CHD1: variants seen among roughly 807,000 people sequenced by gnomAD.
CHD1 encodes the protein chromodomain helicase DNA binding protein 1.
CHD1 carries 36 observed loss-of-function variants against 224.2 expected under a neutral mutation model. The observed-to-expected ratio is 0.16, with a 90% CI of 0.12 to 0.21. The LOEUF (loss-of-function observed/expected upper bound fraction) is 0.21, where lower values mean the gene tolerates loss of function less well. CHD1 is among the 10% of genes least tolerant of loss of function. The pLI is 1.00. For missense variants in CHD1, 1,378 were observed against 1,994.8 expected, an observed-to-expected ratio of 0.69 and a Z score of 5.89; for synonymous variants, 668 against 658.3, an observed-to-expected ratio of 1.01 and a Z score of -0.23.
chr5:98,899,238 A>T (rs188652560), intron 8 of CHD1, among the ~76,000 whole-genome samples: 14 of 152,300 alleles, frequency 9.2e-5, no homozygotes, highest in African/African-American at 3.4e-4. Flanking sequence ...CAGTGCAAAT[A>T]GTTGTTACAT....
At chr5:98,926,292 C>G in intron 2 of CHD1, 42 bp downstream of exon 2, 4 of 1,223,720 alleles carry the variant, frequency 3.3e-6, no homozygotes, top group Non-Finnish European at 4.6e-6. Flanking sequence ...AAGTTTTCAA[C>G]TCTCTTCATA....
chr5:98,921,918 G>A (rs1021044827), intron 2 of CHD1, among the ~76,000 whole-genome samples: 2 of 152,112 alleles, frequency 1.3e-5, no homozygotes, highest in Admixed American at 1.3e-4. Flanking sequence ...TTGGGAGGCC[G>A]AGGTGGGTGG....
In CHD1 at chr5:98,857,863, TTATTA is replaced by T. The variant is rs1320302226; in HGVS notation, c.4787+312_4787+316del. 4.0e-5 allele frequency among the ~76,000 whole-genome samples: 6 copies of T among 149,736 alleles called. 1 individual carries two copies. Among genetic ancestry groups the T allele is most frequent in the Admixed American group, 2.0e-4 (3 of 15,044 alleles). ...CTATTATATCAAGCTTTTATCCCAC[TTATTA>T]TATTTTAAAGAGTATTTGAGCCAAT... On this transcript the variant is annotated intron_variant, in intron 35 of 35. Transcript: ENST00000614616.
Position 98,902,934 on chromosome 5 carries a change from A to G in CHD1, c.403T>C (p.Ser135Pro), listed in dbSNP as rs1221669800. The part of the protein sequence containing the change: ...DSSSSEDSDD[S>P]SSEVKRKKHK... ...TTTTTCCTTTTGACCTCACTTGATGAGTCATCGGAATCTTCACTGCTAGAG... is the reference window on the plus strand; with the variant it reads ...TTTTTCCTTTTGACCTCACTTGATGGGTCATCGGAATCTTCACTGCTAGAG... Residue 135 changes from serine to proline, a missense_variant, in exon 5 of 36, where the codon TCA becomes CCA. Transcript: ENST00000614616. 1 of 1,606,298 alleles carries G rather than the reference A, an allele frequency of 6.2e-7. No homozygotes were observed. The highest frequency in any genetic ancestry group is 1.7e-5 in the Admixed American group (1 of 59,832).
At chr5:98,891,198 C>G (rs1223367864) in intron 15 of CHD1, among the ~76,000 whole-genome samples, 1 of 152,060 alleles carries the variant, frequency 6.6e-6, no homozygotes, top group Non-Finnish European at 1.5e-5. Context: ...CTCAGCCTAC[C>G]AAGCAGCTGG....
chr5:98,869,029 GTC>G, intron 30 of CHD1: 2 of 854,486 alleles, frequency 2.3e-6, no homozygotes, highest in Non-Finnish European at 2.8e-6. Context: ...CTTCCTTTAT[GTC>G]TTTTTCTTTC....
chr5:98,915,857 CATA>C (rs1166748726), intron 2 of CHD1, among the ~76,000 whole-genome samples: 2 of 152,034 alleles, frequency 1.3e-5, no homozygotes, highest in Non-Finnish European at 2.9e-5. Flanking sequence ...TCAAATTATT[CATA>C]ATAATATTTA....
At position 98,897,392 on chromosome 5, in the gene CHD1, A is replaced by T. The variant is rs1751413255; in HGVS notation, c.1366-72T>A. The T allele has an allele frequency of 2.8e-5, 31 of 1,094,398 alleles. No homozygotes were observed. In the South Asian group the frequency reaches 4.7e-4, roughly 17 times the overall value. 67.8% of individuals were successfully genotyped at this position (1,094,398 alleles called of 1,614,324 possible). A position where few individuals can be genotyped will look rare whatever the true frequency, so the allele number is the denominator to read the frequency against. Reference sequence around the variant, plus strand: ...AATTATACTAAAAGATGAAAGCCTCAGCTTTACCATAAATTCTTAAATTTC... The same window carrying T: ...AATTATACTAAAAGATGAAAGCCTCTGCTTTACCATAAATTCTTAAATTTC... On this transcript the variant is annotated intron_variant, in intron 10 of 35. Coordinates refer to ENST00000614616, the MANE Select transcript of CHD1 (RefSeq NM_001270.4).
intron 35 of CHD1, among the ~76,000 whole-genome samples, chr5:98,857,258 CATGTGACAGCTTGATAAAAAATAA>C (rs1331409047): frequency 1.3e-5 from 2 of 152,078 alleles, no homozygotes; most frequent in Non-Finnish European, 1.5e-5. Context: ...TCCATACAAA[CATGTGACAGCTTGATAAAAAATAA>C]ATGTGGCAGT....
Position 98,889,057 on chromosome 5 carries a change from AAC to A in CHD1, c.2343+17_2343+18del. On this transcript the variant is annotated intron_variant, in intron 16 of 35. Coordinates refer to ENST00000614616, the MANE Select transcript of CHD1 (RefSeq NM_001270.4). ...TTCTAGAACTTTATCACAAAGAAAC[AAC>A]ATTTAAAAATTCTTACTTGTAAGGC... 1.3e-6 allele frequency: 2 copies of A among 1,509,074 alleles called. No individual in the cohort carries two copies. Among genetic ancestry groups the A allele is most frequent in the Non-Finnish European group, 1.8e-6 (2 of 1,098,962 alleles). The allele number at this position is 1,509,074 out of a possible 1,614,324, so 93.5% of individuals were successfully genotyped here.
intron 2 of CHD1, among the ~76,000 whole-genome samples, chr5:98,912,564 A>G (rs1221095230): frequency 6.6e-6 from 1 of 152,078 alleles, no homozygotes; most frequent in African/African-American, 2.4e-5. Context: ...CCAGCTACTC[A>G]GGAGGCTGAG....
At position 98,873,595 on chromosome 5, in the gene CHD1, G is replaced by C. The variant is rs373584761; in HGVS notation, c.3569C>G (p.Thr1190Arg). ...LKDSSSGTER[T>R]GGRLGKVKGP... ...AATCACTCTCAGTTTAATGTTACCT[G>C]TTCGTTCTGTTCCTGAAGAACTATC... is the stretch of plus-strand genomic sequence containing the variant. Residue 1190 changes from threonine (T) to arginine (R), a missense_variant and splice_region_variant, in exon 26 of 36, where the codon ACA becomes AGA. This residue lies in a region of CHD1 where 286 missense variants were observed against 445.1 expected (regional missense o/e 0.64). Coordinates refer to ENST00000614616, the MANE Select transcript of CHD1 (RefSeq NM_001270.4). 3 of 1,589,672 alleles carry C rather than the reference G, an allele frequency of 1.9e-6. No individual in the cohort carries two copies. The highest frequency in any genetic ancestry group is 2.6e-6 in the Non-Finnish European group (3 of 1,170,610).
chr5:98,898,438 T>C lies in CHD1; in HGVS notation c.1187-4A>G, dbSNP rs1252807494. The stretch of plus-strand genomic sequence containing the variant: ...GCTGACTTTTGATTGGAATGAGCTG[T>C]GAGAGAATCAGGCATTTACTTATTT... On this transcript the variant is annotated splice_polypyrimidine_tract_variant and splice_region_variant and intron_variant, in intron 9 of 35. Coordinates refer to ENST00000614616, the MANE Select transcript of CHD1 (RefSeq NM_001270.4). 2 of 1,553,674 alleles carry C rather than the reference T, an allele frequency of 1.3e-6. No homozygotes were observed. The highest frequency in any genetic ancestry group is 1.4e-5 in the African/African-American group (1 of 72,022).
chr5:98,903,874 T>A lies in CHD1; in HGVS notation c.290A>T (p.Gln97Leu). The A allele has an allele frequency of 6.2e-7, 1 of 1,611,736 alleles. No homozygotes were observed. Among genetic ancestry groups the A allele is most frequent in the South Asian group, 1.1e-5 (1 of 90,884 alleles). Residue 97 changes from glutamine (Q) to leucine (L), a missense_variant, in exon 4 of 36, where the codon CAG (glutamine) becomes CTG (leucine). Physicochemically the swap from Gln to Leu is moderately radical, Grantham distance 113 (BLOSUM62 -2). Transcript: ENST00000614616. Reference protein sequence around the residue: ...WKSSPSILAVQRSAILKKQQQ... With the variant: ...WKSSPSILAVLRSAILKKQQQ... ...CTGCTTCTTGAGGATTGCAGATCTC[T>A]GAACGGCCAGAATACTAGGACTAGA...
chr5:98,892,044 A>C (rs536343123), intron 15 of CHD1, among the ~76,000 whole-genome samples: 1 of 152,352 alleles, frequency 6.6e-6, no homozygotes, highest in East Asian at 1.9e-4. Context: ...TTAAATGTTT[A>C]AACAGATATT....
intron 18 of CHD1, 82 bp downstream of exon 18, chr5:98,885,496 A>T (rs1223240335): frequency 2.3e-6 from 2 of 882,528 alleles, no homozygotes; most frequent in African/African-American, 1.7e-5. Flanking sequence ...AGATATGAAG[A>T]TTAAAAATGT....
rs756809903 is a variant in CHD1, at chr5:98,872,236, T to C, written c.3711-35A>G. The C allele has an allele frequency of 1.3e-5, 20 of 1,580,270 alleles. 1 individual carries two copies. The South Asian group carries it at 2.2e-4, about 18-fold the overall frequency. On this transcript the variant is annotated intron_variant, in intron 27 of 35. Coordinates refer to ENST00000614616, the MANE Select transcript of CHD1 (RefSeq NM_001270.4). ...AAGTTAATAACTAATGATAAGTTTG[T>C]AATTGCCTTAACTGAAAAATTAATT...
At chr5:98,895,116 C>T (rs141517861) in intron 12 of CHD1, among the ~76,000 whole-genome samples, 1 of 151,980 alleles carries the variant, frequency 6.6e-6, no homozygotes, top group Non-Finnish European at 1.5e-5. Context: ...CCGGCATGCC[C>T]GGCCAGAGTT....
chr5:98,858,471 C>A, intron 34 of CHD1, 81 bp from the exon 35 acceptor site: 2 of 1,149,872 alleles, frequency 1.7e-6, no homozygotes, highest in South Asian at 2.8e-5. Context: ...AACAAGAATT[C>A]GTTTCAACCC....
Sources: allele counts gnomAD v4.1 joint callset (sites outside exome capture counted in the v4.1 genomes callset), GRCh38; gene constraint gnomAD v4.1.1; regional missense constraint gnomAD v4.1.1; transcripts MANE v1.5; gene names NCBI Gene and HGNC (gene_info 2026-07-23, HGNC 2026-07-21).